Variants in SPICE1 observed in about 807,000 individuals in gnomAD.
SPICE1 encodes the protein spindle and centriole-associated protein 1.
A neutral mutation model predicts 102.7 loss-of-function variants in SPICE1; 75 were observed. The observed-to-expected ratio is 0.73, with a 90% CI of 0.61 to 0.88. The LOEUF is 0.88. Among genes scored for constraint, SPICE1 ranks in the 40% least tolerant of loss-of-function variants. The pLI, the probability that SPICE1 is intolerant of heterozygous loss-of-function variation, is 0.00. For synonymous variants in SPICE1, 308 were observed against 350.3 expected, an observed-to-expected ratio of 0.88 and a Z score of 1.35; for missense variants, 979 against 1,020.1, an observed-to-expected ratio of 0.96 and a Z score of 0.55.
intron 12 of SPICE1, among the ~76,000 whole-genome samples, chr3:113,459,294 C>T (rs1935867892): frequency 6.6e-6 from 1 of 152,138 alleles, no homozygotes; most frequent in African/African-American, 2.4e-5. Context: ...GGAGGCAAGG[C>T]CCTCTGCCTA....
rs143037784 is a variant in SPICE1 at position 113,488,957 on chromosome 3, G to A, written c.599C>T (p.Thr200Met). 128 of 1,604,960 alleles carry A rather than the reference G, an allele frequency of 8.0e-5. No individual in the cohort carries two copies. The African/African-American group carries it at 9.4e-4, about 12-fold the overall frequency. Residue 200 changes from threonine (T) to methionine (M), a missense_variant, in exon 7 of 18, where the codon ACG (threonine) becomes ATG (methionine). Transcript: ENST00000295872. ...LDNSLNSQSN[T>M]NTDRFLQQLT... ...CATATACACATACCTGTCTGTATTC[G>A]TGTTAGACTGAGAGTTTAGAGAGTT...
intron 4 of SPICE1, among the ~76,000 whole-genome samples, chr3:113,495,588 T>C (rs1440098463): frequency 6.6e-6 from 1 of 152,118 alleles, no homozygotes; most frequent in Non-Finnish European, 1.5e-5. Flanking sequence ...ACAGGGGTGG[T>C]AGATGGATAT....
rs1935799876 is a variant in SPICE1 at position 113,457,261 on chromosome 3, T to C, written c.1532A>G (p.Gln511Arg). The C allele has an allele frequency of 6.2e-7, 1 of 1,614,076 alleles. No homozygotes were observed. Among genetic ancestry groups the C allele is most frequent in the Non-Finnish European group, 8.5e-7 (1 of 1,180,034 alleles). The change falls in exon 13 of 18, where the codon CAG becomes CGG. Residue 511 changes from glutamine (Q) to arginine (R), a missense_variant. Gln to Arg is a conservative substitution (Grantham distance 43). Coordinates refer to ENST00000295872, the MANE Select transcript of SPICE1 (RefSeq NM_144718.4). ...PQEELPVKLSQVPDPPDNMNL... is the reference protein window; with the variant it reads ...PQEELPVKLSRVPDPPDNMNL... The stretch of plus-strand genomic sequence containing the variant: ...CATGTTATCTGGAGGGTCTGGCACC[T>C]GAGACAGTTTAACGGGCAACTCTTC...
chr3:113,507,635 C>T (rs1937138101), intron 1 of SPICE1, among the ~76,000 whole-genome samples: 1 of 152,114 alleles, frequency 6.6e-6, no homozygotes, highest in Non-Finnish European at 1.5e-5. Context: ...TCAGCATTTA[C>T]AATTTCAGCC....
At chr3:113,506,262 C>T (rs896795201) in intron 2 of SPICE1, among the ~76,000 whole-genome samples, 1 of 152,174 alleles carries the variant, frequency 6.6e-6, no homozygotes, top group Non-Finnish European at 1.5e-5. Flanking sequence ...GCTCCCCATC[C>T]CCTTAGGATT....
chr3:113,479,064 T>A (rs181440118), intron 7 of SPICE1, among the ~76,000 whole-genome samples: 2 of 151,720 alleles, frequency 1.3e-5, no homozygotes, highest in Admixed American at 1.3e-4. Flanking sequence ...CATGCTGGTG[T>A]GCTGCACCCA....
intron 2 of SPICE1, among the ~76,000 whole-genome samples, chr3:113,506,185 G>A (rs577076295): frequency 1.4e-4 from 21 of 152,290 alleles, no homozygotes; most frequent in African/African-American, 5.1e-4. Flanking sequence ...ATTGACACCA[G>A]TGAGCTAGAG....
Position 113,499,321 on chromosome 3 carries a change from A to G in SPICE1, c.291+118T>C. The G allele has an allele frequency of 3.6e-6, 4 of 1,123,764 alleles. No individual in the cohort carries two copies. The South Asian group carries it at 6.0e-5, about 17-fold the overall frequency. The allele number at this position is 1,123,764 out of a possible 1,614,324, so 69.6% of individuals were successfully genotyped here. A position where few individuals can be genotyped will look rare whatever the true frequency, so the allele number is the denominator to read the frequency against. On this transcript the variant is annotated intron_variant, in intron 4 of 17. Transcript: ENST00000295872. ...TTTTTTTGAAGTCCACATGTAGATT[A>G]TTGAATAAGAATGCAGTGATTACTA...
chr3:113,461,357 T>C (rs982742915), intron 11 of SPICE1, among the ~76,000 whole-genome samples: 2 of 145,666 alleles, frequency 1.4e-5, no homozygotes. Context: ...TTACATAAGG[T>C]TTTTTTTTTT....
intron 3 of SPICE1, among the ~76,000 whole-genome samples, chr3:113,500,849 C>G (rs1936994601): frequency 1.3e-5 from 2 of 152,136 alleles, no homozygotes; most frequent in African/African-American, 4.8e-5. Flanking sequence ...AAGATATGGT[C>G]TGTATCTCTC....
chr3:113,493,091 C>G, intron 6 of SPICE1, 115 bp downstream of exon 6: 1 of 712,024 alleles, frequency 1.4e-6, no homozygotes, highest in East Asian at 2.9e-5. Flanking sequence ...GCAAATCTAG[C>G]AACCACAACT....
chr3:113,488,974 T>C lies in SPICE1; in HGVS notation c.582A>G (p.Leu194=), dbSNP rs758906185. The C allele has an allele frequency of 9.9e-6, 16 of 1,612,416 alleles. No individual in the cohort carries two copies. Among genetic ancestry groups the C allele is most frequent in the African/African-American group, 6.7e-5 (5 of 74,898 alleles). Residue 194 remains leucine (L), a synonymous_variant, in exon 7 of 18, where the codon CTA becomes CTG. Transcript: ENST00000295872. ...SENENELDNS[L]NSQSNTNTDR... is the part of the protein sequence containing the mutation. ...CTGTATTCGTGTTAGACTGAGAGTTTAGAGAGTTATCCAACTCATTCTCAT... is the reference window on the plus strand; with the variant it reads ...CTGTATTCGTGTTAGACTGAGAGTTCAGAGAGTTATCCAACTCATTCTCAT...
intron 11 of SPICE1, among the ~76,000 whole-genome samples, chr3:113,461,992 C>A (rs1935944026): frequency 6.6e-6 from 1 of 152,130 alleles, no homozygotes. Flanking sequence ...CCTCCTCAAG[C>A]CTTGTTTACC....
rs1204083946 is a variant in SPICE1, at chr3:113,506,729, G to C, written c.1-124C>G. 6 of 679,398 alleles carry C rather than the reference G, an allele frequency of 8.8e-6. No homozygotes were observed. The African/African-American group carries it at 9.1e-5, about 10-fold the overall frequency. 42.1% of individuals were successfully genotyped at this position (679,398 alleles called of 1,614,324 possible). ...AATGCCAGAAGAAAAATTTAAGCAT[G>C]ATGAAAGGAACAGCCTATCAAAATA... On this transcript the variant is annotated intron_variant, in intron 1 of 17. Coordinates refer to ENST00000295872, the MANE Select transcript of SPICE1 (RefSeq NM_144718.4).
At chr3:113,471,301 T>TA (rs1180202703) in intron 7 of SPICE1, among the ~76,000 whole-genome samples, 2 of 152,126 alleles carry the variant, frequency 1.3e-5, no homozygotes, top group Non-Finnish European at 2.9e-5. Context: ...CACATATTTT[T>TA]TAAAAAAAAT....
rs976628073 is a variant in SPICE1 at position 113,450,619 on chromosome 3, C to T, written c.2143-103G>A. ...TTAGGCAGAGTCTCACTCTGTTGCC[C>T]AGGCTGGAGTGCAGTGGCGCTATCT... On this transcript the variant is annotated intron_variant, in intron 14 of 17. Transcript: ENST00000295872. 1.4e-5 allele frequency: 17 copies of T among 1,211,654 alleles called. No individual in the cohort carries two copies. The Admixed American group carries it at 3.6e-4, about 26-fold the overall frequency. The allele number at this position is 1,211,654 out of a possible 1,614,324, so 75.1% of individuals were successfully genotyped here. A position where few individuals can be genotyped will look rare whatever the true frequency, so the allele number is the denominator to read the frequency against.
chr3:113,462,664 C>CA (rs1402434440), intron 11 of SPICE1, among the ~76,000 whole-genome samples: 2 of 152,158 alleles, frequency 1.3e-5, no homozygotes, highest in South Asian at 4.1e-4. Flanking sequence ...AACAGCCCCT[C>CA]AGTTGTTAGG....
chr3:113,475,991 A>T (rs1936335731), intron 7 of SPICE1, among the ~76,000 whole-genome samples: 1 of 152,188 alleles, frequency 6.6e-6, no homozygotes, highest in Admixed American at 6.5e-5. Flanking sequence ...GAGGAAGTCA[A>T]ATTGTCCCTG....
chr3:113,474,631 A>G (rs1936292737), intron 7 of SPICE1, among the ~76,000 whole-genome samples: 1 of 152,210 alleles, frequency 6.6e-6, no homozygotes, highest in African/African-American at 2.4e-5. Flanking sequence ...AGGATTAAGA[A>G]ACTCACTCAA....
Sources: allele counts gnomAD v4.1 joint callset (sites outside exome capture counted in the v4.1 genomes callset), GRCh38; gene constraint gnomAD v4.1.1; transcripts MANE v1.5; gene names NCBI Gene and HGNC (gene_info 2026-07-23, HGNC 2026-07-21).